The following FBLN7 variants were observed in gnomAD, a reference collection of about 807,000 sequenced individuals.
FBLN7 encodes fibulin 7.
FBLN7 carries 31 observed loss-of-function variants against 44.0 expected under a neutral mutation model. That is an observed-to-expected ratio of 0.70 (90% confidence interval 0.53 to 0.95). FBLN7 has a LOEUF of 0.95. FBLN7 is among the 40% of genes least tolerant of loss of function. The probability of loss-of-function intolerance (pLI) is 0.00; values close to 1 mark genes in which losing one functional copy is unlikely to be tolerated. For synonymous variants in FBLN7, 262 were observed against 253.4 expected, an observed-to-expected ratio of 1.03 and a Z score of -0.32; for missense variants, 573 against 618.5, an observed-to-expected ratio of 0.93 and a Z score of 0.78.
chr2:112,234,621 T>G, the FBLN7 span, among the ~76,000 whole-genome samples: 1 of 151,986 alleles, frequency 6.6e-6, no homozygotes, highest in Non-Finnish European at 1.5e-5. Flanking sequence ...GCCAACACAG[T>G]GAAACCTCAT....
chr2:112,192,505 C>T (rs938879121), downstream of FBLN7, among the ~76,000 whole-genome samples: 2 of 152,166 alleles, frequency 1.3e-5, no homozygotes, highest in Non-Finnish European at 2.9e-5. Context: ...AGATCCTGGG[C>T]ACTTGAGCAG....
chr2:112,147,806 A>G (rs994530196), intron 1 of FBLN7, among the ~76,000 whole-genome samples: 1 of 152,164 alleles, frequency 6.6e-6, no homozygotes, highest in African/African-American at 2.4e-5. Flanking sequence ...TTGTCAAATC[A>G]CTTGCCTACA....
At chr2:112,182,399 C>T (rs187552674) in intron 5 of FBLN7, among the ~76,000 whole-genome samples, 1 of 152,308 alleles carries the variant, frequency 6.6e-6, no homozygotes, top group African/African-American at 2.4e-5. Context: ...CATTTTACAG[C>T]ACAGAAAGGA....
At chr2:112,227,480 G>A in the FBLN7 span, among the ~76,000 whole-genome samples, 2 of 152,188 alleles carry the variant, frequency 1.3e-5, no homozygotes, top group African/African-American at 2.4e-5. Flanking sequence ...AACCGAGATC[G>A]CGCCATTTGC....
chr2:112,223,798 G>A, the FBLN7 span, among the ~76,000 whole-genome samples: 3 of 152,096 alleles, frequency 2.0e-5, no homozygotes, highest in African/African-American at 4.8e-5. Flanking sequence ...ATGTAACTAC[G>A]AAACTGCAGA....
chr2:112,183,959 C>T (rs1177896236), intron 6 of FBLN7, among the ~76,000 whole-genome samples: 1 of 152,168 alleles, frequency 6.6e-6, no homozygotes, highest in East Asian at 1.9e-4. Flanking sequence ...TAACAGGAAG[C>T]CTCCTGTGTT....
At chr2:112,238,497 G>C in the FBLN7 span, 7 of 1,611,268 alleles carry the variant, frequency 4.3e-6, no homozygotes, top group Non-Finnish European at 5.1e-6. Flanking sequence ...TCTATGCAGC[G>C]AACTTTTTGG....
intron 4 of FBLN7, among the ~76,000 whole-genome samples, chr2:112,180,705 A>G (rs923141354): frequency 4.6e-5 from 7 of 151,990 alleles, no homozygotes; most frequent in Non-Finnish European, 1.0e-4. Context: ...CAGATCACGA[A>G]GTCAGGAGAT....
In FBLN7 at chr2:112,187,748, C is replaced by A. The variant is rs920681551; in HGVS notation, c.*242C>A. 1.5e-5 allele frequency: 8 copies of A among 539,462 alleles called. No individual in the cohort carries two copies. The highest frequency in any genetic ancestry group is 2.6e-5 in the Non-Finnish European group (8 of 311,500). 33.4% of individuals were successfully genotyped at this position (539,462 alleles called of 1,614,324 possible). A position where few individuals can be genotyped will look rare whatever the true frequency, so the allele number is the denominator to read the frequency against. ...TTTGAGGCCCTTCCCTTAGATTATG[C>A]ACTAACTTTCTTAAAACTTTTTCAT... is the stretch of plus-strand genomic sequence containing the variant. On this transcript the variant is annotated 3_prime_UTR_variant, in exon 8 of 8. Transcript: ENST00000331203. This position sits in a 1 kb window ranked among gnomAD's most constrained non-coding sequence, Gnocchi z 5.1.
chr2:112,166,073 C>T (rs546517848), intron 3 of FBLN7, among the ~76,000 whole-genome samples: 66 of 152,124 alleles, frequency 4.3e-4, no homozygotes, highest in South Asian at 1.9e-3. Flanking sequence ...TTGTTTGAGA[C>T]GGAGTCTCGC....
chr2:112,195,785 G>C, the FBLN7 span, among the ~76,000 whole-genome samples: 8 of 152,256 alleles, frequency 5.3e-5, no homozygotes. Context: ...CATCTTGTCT[G>C]CATGCTCACT....
chr2:112,187,140 T>C lies in FBLN7; in HGVS notation c.954T>C (p.Cys318=). 6.2e-7 allele frequency: 1 copy of C among 1,613,786 alleles called. No homozygotes were observed. ...TTTTGCCTCTCCGCTCCAGCCAGTG[T>C]GAGCGGAACCCCTGCCCCATGGACA... is the stretch of plus-strand genomic sequence containing the variant. ...VSYVKTSPFQ[C]ERNPCPMDSR... The change falls in exon 8 of 8, where the codon TGT becomes TGC. Residue 318 remains cysteine (C), a synonymous_variant. Transcript: ENST00000331203. This position sits in a 1 kb window ranked among gnomAD's most constrained non-coding sequence, Gnocchi z 5.1.
the FBLN7 span, among the ~76,000 whole-genome samples, chr2:112,227,214 A>G: frequency 3.3e-5 from 5 of 152,264 alleles, no homozygotes; most frequent in Non-Finnish European, 7.3e-5. Flanking sequence ...AGAAATAAAA[A>G]GCATTAGAAA....
the FBLN7 span, among the ~76,000 whole-genome samples, chr2:112,206,526 A>G: frequency 6.6e-6 from 1 of 152,108 alleles, no homozygotes; most frequent in African/African-American, 2.4e-5. Flanking sequence ...GGTTCAAGCA[A>G]TTCTTGTGCC....
chr2:112,159,675 G>T lies in FBLN7; in HGVS notation c.76-1G>T. The T allele has an allele frequency of 6.5e-7, 1 of 1,548,844 alleles. No homozygotes were observed. Among genetic ancestry groups the T allele is most frequent in the Non-Finnish European group, 8.7e-7 (1 of 1,143,314 alleles). On this transcript the variant is annotated splice_acceptor_variant, in intron 1 of 7. Coordinates refer to ENST00000331203, the MANE Select transcript of FBLN7 (RefSeq NM_153214.3). LOFTEE classifies it high-confidence loss of function. ...GTGGCGGCGATGTCTTCTCTCCGCA[G>T]AACTGTCTCAGCAAACAGCAGCTCC... is the stretch of plus-strand genomic sequence containing the variant.
At chr2:112,179,478 C>G (rs1682878813) in intron 4 of FBLN7, among the ~76,000 whole-genome samples, 1 of 151,672 alleles carries the variant, frequency 6.6e-6, no homozygotes, top group Non-Finnish European at 1.5e-5. Flanking sequence ...CTTCACAGAA[C>G]TAGAAAAAAA....
chr2:112,151,535 G>A (rs1034363198), intron 1 of FBLN7: 4 of 152,084 alleles, frequency 2.6e-5, no homozygotes, highest in African/African-American at 4.8e-5. Context: ...AAGTCTCCTC[G>A]CCGCTGAGAA....
chr2:112,212,684 C>CT, the FBLN7 span: 3 of 152,346 alleles, frequency 2.0e-5, no homozygotes, highest in Non-Finnish European at 2.9e-5. Flanking sequence ...ACTTTCCTCT[C>CT]TGTTTTCTTC....
chr2:112,160,838 A>G (rs1208026488), intron 2 of FBLN7, among the ~76,000 whole-genome samples: 147 of 120,970 alleles, frequency 1.2e-3, no homozygotes, highest in African/African-American at 4.9e-3. Context: ...GCATACACGC[A>G]CGCACACGCG....
Sources: allele counts gnomAD v4.1 joint callset (sites outside exome capture counted in the v4.1 genomes callset), GRCh38; gene constraint gnomAD v4.1.1; non-coding constraint Gnocchi (gnomAD v3.1); transcripts MANE v1.5; gene names NCBI Gene and HGNC (gene_info 2026-07-23, HGNC 2026-07-21).